Variants in ABLIM1 observed in about 807,000 individuals in gnomAD.
The protein encoded by ABLIM1 is actin-binding LIM protein 1.
In ABLIM1, 40 loss-of-function variants were observed where a neutral mutation model predicts 107.0. That is an observed-to-expected ratio of 0.37 (90% CI 0.29 to 0.49). The LOEUF (loss-of-function observed/expected upper bound fraction) is 0.49. Among genes scored for constraint, ABLIM1 ranks in the 20% least tolerant of loss-of-function variants. The pLI, the probability that ABLIM1 is intolerant of heterozygous loss-of-function variation, is 0.97. For synonymous variants in ABLIM1, 357 were observed against 357.3 expected (o/e 1.00, Z 0.01); for missense variants, 857 against 1,008.5 (o/e 0.85, Z 2.04).
chr10:114,663,108 C>T (rs144700588), upstream of ABLIM1, among the ~76,000 whole-genome samples: 63 of 152,340 alleles, frequency 4.1e-4, no homozygotes, highest in African/African-American at 1.5e-3. Flanking sequence ...CAACACATCT[C>T]TTCATCCTTC....
In ABLIM1 at chr10:114,609,773, T is replaced by A. The variant is rs183696543; in HGVS notation, c.245-7812A>T. ...ACTCCAGAACACTACTATATTATTA[T>A]AACAAGTAAAATGCACTGAATACTT... On this transcript the variant is annotated intron_variant, in intron 1 of 22. Coordinates refer to ENST00000533213, the MANE Select transcript of ABLIM1 (RefSeq NM_002313.7). Among the ~76,000 whole-genome samples the A allele has an allele frequency of 2.1e-3, 325 of 152,324 alleles. 6 individuals are homozygous for A. The highest frequency in any genetic ancestry group is 2.9e-3 in the Non-Finnish European group (199 of 68,034).
intron 1 of ABLIM1, among the ~76,000 whole-genome samples, chr10:114,748,802 A>T (rs966521788): frequency 2.0e-5 from 3 of 151,840 alleles, no homozygotes; most frequent in East Asian, 3.9e-4. Context: ...GACTACAGAC[A>T]TTCACCACCA....
At chr10:114,690,413 C>T (rs2081049591) in intron 1 of ABLIM1, 3 of 1,604,472 alleles carry the variant, frequency 1.9e-6, no homozygotes, top group Non-Finnish European at 2.6e-6. Flanking sequence ...CATAGATGGA[C>T]TTGCCACCAG....
chr10:114,671,231 C>T (rs1268597600), intron 1 of ABLIM1, among the ~76,000 whole-genome samples: 1 of 152,216 alleles, frequency 6.6e-6, no homozygotes, highest in African/African-American at 2.4e-5. Context: ...CAACATAATG[C>T]CTATGTGACT....
rs559663069 is a variant in ABLIM1 at position 114,629,311 on chromosome 10, G to C, written c.245-27350C>G. The stretch of plus-strand genomic sequence containing the variant: ...CTCCTTGGGCCGGCCATGTTCCTCG[G>C]GATGGACATTGCCAGGACCCGAGCC... On this transcript the variant is annotated intron_variant, in intron 1 of 22. Transcript: ENST00000533213. The surrounding 1 kb of genome is among the most constrained non-coding windows in gnomAD (Gnocchi z 4.0). Among the ~76,000 whole-genome samples, 1 of 152,254 alleles carries C rather than the reference G, an allele frequency of 6.6e-6. No homozygotes were observed. Among genetic ancestry groups the C allele is most frequent in the East Asian group, 1.9e-4 (1 of 5,180 alleles).
chr10:114,547,457 T>C, intron 5 of ABLIM1, 193 bp downstream of exon 5: 1 of 648,702 alleles, frequency 1.5e-6, no homozygotes, highest in South Asian at 2.2e-5. Flanking sequence ...TAACATATCA[T>C]TAGGTTTATA....
chr10:114,703,340 TGCTGCCACAGCA>T (rs2081343269), intron 1 of ABLIM1, among the ~76,000 whole-genome samples: 1 of 152,238 alleles, frequency 6.6e-6, no homozygotes, highest in African/African-American at 2.4e-5. Flanking sequence ...CACCCTACTC[TGCTGCCACAGCA>T]GCTTATCTAA....
At chr10:114,443,961 C>T (rs2060616975) in intron 17 of ABLIM1, 68 bp downstream of exon 17, 1 of 1,306,842 alleles carries the variant, frequency 7.7e-7, no homozygotes, top group South Asian at 1.3e-5. Context: ...AGTGAACAGT[C>T]AAGGCAGGTG....
chr10:114,680,759 T>C lies in ABLIM1; in HGVS notation c.64+3531A>G, dbSNP rs563398615. Among the ~76,000 whole-genome samples, 5 of 152,360 alleles carry C rather than the reference T, an allele frequency of 3.3e-5. No individual in the cohort carries two copies. The East Asian group carries it at 9.6e-4, about 29-fold the overall frequency. On this transcript the variant is annotated intron_variant, in intron 1 of 23. Coordinates refer to the ABLIM1 transcript ENST00000369256. ...CAACACTTGCATTCTCCACTCTTGC[T>C]CAGGTCATTACATAATGTCTCATGT...
intron 4 of ABLIM1, among the ~76,000 whole-genome samples, chr10:114,568,995 G>A (rs1312866277): frequency 6.6e-6 from 1 of 152,148 alleles, no homozygotes; most frequent in Non-Finnish European, 1.5e-5. Flanking sequence ...TGGCCAGAGA[G>A]GGTTGGAAGC....
chr10:114,465,804 C>G lies in ABLIM1; in HGVS notation c.1335G>C (p.Arg445=). 1 of 1,614,118 alleles carries G rather than the reference C, an allele frequency of 6.2e-7. No individual in the cohort carries two copies. Among genetic ancestry groups the G allele is most frequent in the Non-Finnish European group, 8.5e-7 (1 of 1,180,008 alleles). Residue 445 remains arginine, a synonymous_variant, in exon 12 of 23, where the codon CGG becomes CGC. Transcript: ENST00000533213. Reference sequence around the variant, plus strand: ...CCTGGCTCGTGGACCGATGGATCATCCGATCCCGAACATCCTGGTACCCCT... The same window carrying G: ...CCTGGCTCGTGGACCGATGGATCATGCGATCCCGAACATCCTGGTACCCCT... ...SAEGYQDVRD[R]MIHRSTSQGS... is the part of the protein sequence containing the mutation.
At chr10:114,696,128 A>C (rs557501482) in intron 1 of ABLIM1, among the ~76,000 whole-genome samples, 1 of 152,340 alleles carries the variant, frequency 6.6e-6, no homozygotes, top group Admixed American at 6.5e-5. Flanking sequence ...AATCAGAGAC[A>C]CAGGTTTTAG....
intron 1 of ABLIM1, 82 bp downstream of exon 1, chr10:114,657,875 G>T: frequency 8.4e-7 from 1 of 1,188,380 alleles, no homozygotes; most frequent in Non-Finnish European, 1.2e-6. Flanking sequence ...ACACATTACA[G>T]AAGAATGATC....
At position 114,519,130 on chromosome 10, in the gene ABLIM1, G is replaced by T. The variant is rs373080783; in HGVS notation, c.894+25875C>A. 2.0e-5 allele frequency among the ~76,000 whole-genome samples: 3 copies of T among 152,276 alleles called. No homozygotes were observed. In the South Asian group the frequency reaches 6.2e-4, roughly 32 times the overall value. ...AGAGAAGTAGTTCAAGAGGCAGCCT[G>T]GGGGAGGTGCAGAGGGGATAGAGAA... On this transcript the variant is annotated intron_variant, in intron 6 of 22. Coordinates refer to ENST00000533213, the MANE Select transcript of ABLIM1 (RefSeq NM_002313.7).
intron 5 of ABLIM1, 193 bp downstream of exon 5, chr10:114,547,457 T>G: frequency 1.5e-6 from 1 of 648,700 alleles, no homozygotes; most frequent in Non-Finnish European, 2.5e-6. Flanking sequence ...TAACATATCA[T>G]TAGGTTTATA....
chr10:114,563,433 G>C (rs1471783841), intron 4 of ABLIM1, among the ~76,000 whole-genome samples: 1 of 152,166 alleles, frequency 6.6e-6, no homozygotes, highest in Non-Finnish European at 1.5e-5. Context: ...TTTCTTGGTA[G>C]TGGACGTGGG....
intron 6 of ABLIM1, among the ~76,000 whole-genome samples, chr10:114,511,666 C>T (rs61088417): frequency 0.091 from 13,844 of 151,868 alleles, 744 homozygotes; most frequent in African/African-American, 0.13. Flanking sequence ...CACCTGGCCC[C>T]TTCTCATGTC....
intron 4 of ABLIM1, among the ~76,000 whole-genome samples, chr10:114,549,091 A>G (rs2067715256): frequency 6.6e-6 from 1 of 152,158 alleles, no homozygotes; most frequent in Non-Finnish European, 1.5e-5. Flanking sequence ...CTTTAAAATT[A>G]CCTAGCACGT....
intron 1 of ABLIM1, among the ~76,000 whole-genome samples, chr10:114,667,542 A>G (rs2080077727): frequency 6.6e-6 from 1 of 152,242 alleles, no homozygotes. Flanking sequence ...TATAATTTAC[A>G]TACTGCAAAA....
Sources: gnomAD v4.1 joint callset for allele counts (sites outside exome capture counted in the v4.1 genomes callset) on GRCh38, gnomAD v4.1.1 for gene constraint, Gnocchi (gnomAD v3.1) non-coding constraint, MANE v1.5 for transcripts, NCBI Gene and HGNC (gene_info 2026-07-23, HGNC 2026-07-21) for gene names.